The following CDCP1 variants were observed in gnomAD, a reference collection of about 807,000 sequenced individuals.
The protein encoded by CDCP1 is CUB domain containing protein 1, also known as CUB domain-containing protein 1.
Under a neutral mutation model 60.2 loss-of-function variants are expected in CDCP1, and 29 were observed. The ratio of observed to expected loss-of-function variants is 0.48; its 90% CI spans 0.36 to 0.66. The LOEUF is 0.66. Ranked by LOEUF, CDCP1 falls within the 30% of genes least tolerant of loss-of-function variation. The probability of loss-of-function intolerance (pLI) is 0.00; values close to 1 mark genes in which losing one functional copy is unlikely to be tolerated. For missense variants in CDCP1, 876 were observed against 1,074.3 expected, an observed-to-expected ratio of 0.82 and a Z score of 2.58; for synonymous variants, 387 against 431.1, an observed-to-expected ratio of 0.90 and a Z score of 1.27.
At chr3:45,118,708 G>T in intron 1 of CDCP1, 87 bp from the exon 2 acceptor site, 1 of 1,031,070 alleles carries the variant, frequency 9.7e-7, no homozygotes, top group African/African-American at 1.6e-5. Flanking sequence ...GTTCAGAGAG[G>T]ATGTCCTCTA....
intron 4 of CDCP1, among the ~76,000 whole-genome samples, chr3:45,098,926 T>C (rs902706032): frequency 2.0e-5 from 3 of 152,160 alleles, no homozygotes; most frequent in Admixed American, 2.0e-4. Flanking sequence ...CTCCTTTCAA[T>C]AAATTTGAAA....
intron 6 of CDCP1, among the ~76,000 whole-genome samples, chr3:45,092,073 G>A (rs540915087): frequency 3.3e-5 from 5 of 152,336 alleles, no homozygotes; most frequent in East Asian, 1.9e-4. Context: ...GGGATTATAG[G>A]CATGAGCCAC....
intron 1 of CDCP1, 136 bp downstream of exon 1, chr3:45,146,070 C>A (rs1391697293): frequency 1.7e-5 from 13 of 769,062 alleles, no homozygotes; most frequent in Admixed American, 3.7e-5. Context: ...CGCATTTTGA[C>A]TACGCCGTCC....
chr3:45,143,032 G>A (rs551740671), intron 1 of CDCP1, among the ~76,000 whole-genome samples: 6 of 152,298 alleles, frequency 3.9e-5, no homozygotes, highest in Middle Eastern at 6.8e-3. Context: ...GTGAAACCCC[G>A]TTTCTACTAA....
rs150320256 is a variant in CDCP1, at chr3:45,108,134, G to GA, written c.1024+2338dup. Among the ~76,000 whole-genome samples the GA allele has an allele frequency of 1.2e-3, 176 of 143,048 alleles. 1 individual carries two copies. The highest frequency in any genetic ancestry group is 1.0e-3 in the Non-Finnish European group (64 of 62,458). The allele number at this position is 143,048 out of a possible 152,430, so 93.8% of individuals were successfully genotyped here. A position where few individuals can be genotyped will look rare whatever the true frequency, so the allele number is the denominator to read the frequency against. On this transcript the variant is annotated intron_variant, in intron 4 of 8. Transcript: ENST00000296129. ...AGCAAGACTCTGCCTAAAAAAAAAA[G>GA]AAAAAAAAAGAATGGGTCAGACAAA...
chr3:45,134,486 G>C (rs1699160686), intron 1 of CDCP1, among the ~76,000 whole-genome samples: 1 of 152,208 alleles, frequency 6.6e-6, no homozygotes, highest in African/African-American at 2.4e-5. Flanking sequence ...GACTTGACTG[G>C]GGAGTGTGGG....
intron 3 of CDCP1, 90 bp downstream of exon 3, chr3:45,111,993 G>C: frequency 1.4e-6 from 2 of 1,474,634 alleles, no homozygotes; most frequent in Non-Finnish European, 1.8e-6. Flanking sequence ...GAGTATTAGA[G>C]ATTTGCTGAC....
intron 4 of CDCP1, among the ~76,000 whole-genome samples, chr3:45,106,736 C>T (rs1432231220): frequency 6.6e-6 from 1 of 152,166 alleles, no homozygotes; most frequent in East Asian, 1.9e-4. Context: ...TCCCCTGCTT[C>T]TGGGGACAAA....
intron 1 of CDCP1, among the ~76,000 whole-genome samples, chr3:45,133,912 G>A (rs879825529): frequency 3.3e-5 from 5 of 151,908 alleles, no homozygotes; most frequent in African/African-American, 7.3e-5. Context: ...CACCACCTCC[G>A]TCACTGCCTT....
rs765060175 is a variant in CDCP1 at position 45,112,339 on chromosome 3, C to T, written c.399G>A (p.Lys133=). ...RTFIWDVKAH[K]SIGLELQFSI... ...AAAACTGCAGCTCTAAACCGATGCT[C>T]TTATGAGCTTTGACATCCCAGATGA... The change falls in exon 3 of 9, where the codon AAG becomes AAA. Residue 133 remains lysine, a synonymous_variant. Coordinates refer to ENST00000296129, the MANE Select transcript of CDCP1 (RefSeq NM_022842.5). 1.4e-5 allele frequency: 22 copies of T among 1,614,228 alleles called. No homozygotes were observed. Among genetic ancestry groups the T allele is most frequent in the Non-Finnish European group, 1.8e-5 (21 of 1,180,032 alleles).
rs369387897 is a variant in CDCP1, at chr3:45,085,655, T to G, written c.2494A>C (p.Met832Leu). The change falls in exon 9 of 9, where the codon ATG becomes CTG. Residue 832 changes from methionine (M) to leucine (L), a missense_variant. Physicochemically the swap from Met to Leu is conservative, Grantham distance 15. Coordinates refer to ENST00000296129, the MANE Select transcript of CDCP1 (RefSeq NM_022842.5). This position sits in a 1 kb window ranked among gnomAD's most constrained non-coding sequence, Gnocchi z 4.2. ...DIPLLNTQEP[M>L]EPAE is the part of the protein sequence containing the mutation. ...GGATCAAGTTATTCTGCTGGCTCCA[T>G]GGGCTCCTGAGTGTTCAGTAAGGGA... The G allele has an allele frequency of 4.3e-6, 7 of 1,612,026 alleles. No individual in the cohort carries two copies. Among genetic ancestry groups the G allele is most frequent in the Non-Finnish European group, 5.9e-6 (7 of 1,178,504 alleles).
At chr3:45,125,862 T>C (rs981395074) in intron 1 of CDCP1, among the ~76,000 whole-genome samples, 1 of 152,232 alleles carries the variant, frequency 6.6e-6, no homozygotes, top group Admixed American at 6.5e-5. Context: ...GATCATTGGC[T>C]ATTAATAGGC....
chr3:45,101,835 G>A lies in CDCP1; in HGVS notation c.1025-6267C>T, dbSNP rs183549787. On this transcript the variant is annotated intron_variant, in intron 4 of 8. Transcript: ENST00000296129. ...TGGAAGGCAGAGGTTGCAGTGAGCC[G>A]AGATCGCACCATTGCACTCCAGCCT... 7.5e-4 allele frequency among the ~76,000 whole-genome samples: 110 copies of A among 145,934 alleles called. 1 individual carries two copies. In the East Asian group the frequency reaches 0.015, roughly 20 times the overall value.
At chr3:45,108,303 T>A (rs1210105750) in intron 4 of CDCP1, among the ~76,000 whole-genome samples, 1 of 152,080 alleles carries the variant, frequency 6.6e-6, no homozygotes, top group African/African-American at 2.4e-5. Context: ...CCCAAAGATA[T>A]TTCTGCCGCC....
In CDCP1 at chr3:45,089,923, T is replaced by G. The variant is rs570970083; in HGVS notation, c.1994-782A>C. Among the ~76,000 whole-genome samples the G allele has an allele frequency of 5.3e-5, 8 of 152,266 alleles. No individual in the cohort carries two copies. The South Asian group carries it at 1.7e-3, about 32-fold the overall frequency. On this transcript the variant is annotated intron_variant, in intron 7 of 8. Coordinates refer to ENST00000296129, the MANE Select transcript of CDCP1 (RefSeq NM_022842.5). Reference sequence around the variant, plus strand: ...TGTTTCCTTTGTGCTGTCCTTTTCCTGCAGCTGCACAAAGGAAAAAGAAAA... The same window carrying G: ...TGTTTCCTTTGTGCTGTCCTTTTCCGGCAGCTGCACAAAGGAAAAAGAAAA...
At chr3:45,138,361 C>A (rs1300949443) in intron 1 of CDCP1, among the ~76,000 whole-genome samples, 2 of 152,152 alleles carry the variant, frequency 1.3e-5, no homozygotes, top group Non-Finnish European at 2.9e-5. Flanking sequence ...TAACAAAAGT[C>A]AAAAATAATC....
chr3:45,112,592 G>A (rs1698718521), intron 2 of CDCP1, 147 bp from the exon 3 acceptor site: 1 of 1,083,902 alleles, frequency 9.2e-7, no homozygotes, highest in Non-Finnish European at 1.3e-6. Flanking sequence ...GGCCCCAACT[G>A]CTGTGAGTCT....
At chr3:45,100,437 T>C (rs1233158483) in intron 4 of CDCP1, among the ~76,000 whole-genome samples, 1 of 152,218 alleles carries the variant, frequency 6.6e-6, no homozygotes, top group Non-Finnish European at 1.5e-5. Flanking sequence ...CTAGTGGCTC[T>C]TCCCACCTTA....
chr3:45,123,114 C>T (rs912009343), intron 1 of CDCP1, among the ~76,000 whole-genome samples: 1 of 152,016 alleles, frequency 6.6e-6, no homozygotes, highest in Non-Finnish European at 1.5e-5. Flanking sequence ...GTCCTTCCTT[C>T]ATGAATTACT....
Sources: gnomAD v4.1 joint callset for allele counts (sites outside exome capture counted in the v4.1 genomes callset) on GRCh38, gnomAD v4.1.1 for gene constraint, Gnocchi (gnomAD v3.1) non-coding constraint, MANE v1.5 for transcripts, NCBI Gene and HGNC (gene_info 2026-07-23, HGNC 2026-07-21) for gene names.